The following CMSS1 variants were observed in gnomAD, a reference collection of about 807,000 sequenced individuals.
CMSS1 encodes protein CMSS1.
CMSS1 carries 33 observed loss-of-function variants against 43.5 expected under a neutral mutation model. The observed-to-expected ratio is 0.76, with a 90% CI of 0.57 to 1.01. The LOEUF (loss-of-function observed/expected upper bound fraction) is 1.01, where lower values mean the gene tolerates loss of function less well. Among genes scored for constraint, CMSS1 ranks in the 50% least tolerant of loss-of-function variants. The probability of loss-of-function intolerance (pLI) is 0.00; values close to 1 mark genes in which losing one functional copy is unlikely to be tolerated. For synonymous variants in CMSS1, 115 were observed against 117.2 expected (o/e 0.98, Z 0.12); for missense variants, 313 against 326.4 (o/e 0.96, Z 0.32).
At chr3:100,117,088 A>G (rs1026180468) in intron 1 of CMSS1, among the ~76,000 whole-genome samples, 9 of 152,158 alleles carry the variant, frequency 5.9e-5, no homozygotes. Context: ...TCAATTATTT[A>G]TTCACATAAA....
chr3:100,060,516 A>G (rs2065545026), intron 1 of CMSS1, among the ~76,000 whole-genome samples: 1 of 152,112 alleles, frequency 6.6e-6, no homozygotes, highest in Non-Finnish European at 1.5e-5. Flanking sequence ...AAATACATAA[A>G]AATGCTTAGC....
At chr3:100,050,369 A>T (rs1405617167) in intron 1 of CMSS1, among the ~76,000 whole-genome samples, 1 of 152,170 alleles carries the variant, frequency 6.6e-6, no homozygotes, top group Non-Finnish European at 1.5e-5. Flanking sequence ...ATTTATGTGA[A>T]ATGCTCAGTA....
intron 1 of CMSS1, among the ~76,000 whole-genome samples, chr3:99,986,305 C>T (rs777281001): frequency 1.4e-4 from 22 of 152,076 alleles, no homozygotes; most frequent in Non-Finnish European, 1.5e-5. Flanking sequence ...AAGCTTGTGG[C>T]ATTAGATATG....
At chr3:100,008,511 G>A (rs1003365808) in intron 1 of CMSS1, among the ~76,000 whole-genome samples, 10 of 152,168 alleles carry the variant, frequency 6.6e-5, no homozygotes, top group Admixed American at 2.0e-4. Flanking sequence ...AGAATTTAGA[G>A]GAAGTGCTGG....
rs559043036 is a variant in CMSS1, at chr3:99,981,556, A to G, written c.64+163513A>G. 3.5e-3 allele frequency among the ~76,000 whole-genome samples: 526 copies of G among 152,330 alleles called. 2 individuals carry two copies. The highest frequency in any genetic ancestry group is 5.0e-3 in the Non-Finnish European group (337 of 68,038). On this transcript the variant is annotated intron_variant, in intron 1 of 9. Transcript: ENST00000421999. ...CCCTGATTTGATCATCACACAGTGT[A>G]TATCTATATACCTATATACTAAATA...
At chr3:99,971,924 G>T (rs1190699975) in intron 1 of CMSS1, among the ~76,000 whole-genome samples, 2 of 152,266 alleles carry the variant, frequency 1.3e-5, no homozygotes, top group Non-Finnish European at 2.9e-5. Context: ...ATGTAAACCT[G>T]GTTGCTGACC....
intron 1 of CMSS1, among the ~76,000 whole-genome samples, chr3:99,864,985 G>C (rs1476144095): frequency 6.6e-6 from 1 of 152,080 alleles, no homozygotes; most frequent in Non-Finnish European, 1.5e-5. Context: ...TTCTGGTAGG[G>C]AACAGTACCT....
chr3:99,984,048 A>ATATGTGTGTGTGTGTGTGTGTGTG (rs1709254506), intron 1 of CMSS1, among the ~76,000 whole-genome samples: 1 of 147,582 alleles, frequency 6.8e-6, no homozygotes, highest in Non-Finnish European at 1.5e-5. Flanking sequence ...AAGGATGTAT[A>ATATGTGTGTGTGTGTGTGTGTGTG]TGTATGTGTG....
intron 1 of CMSS1, among the ~76,000 whole-genome samples, chr3:99,888,799 T>G (rs1452127536): frequency 2.0e-5 from 3 of 152,190 alleles, no homozygotes; most frequent in African/African-American, 7.2e-5. Context: ...TTTCATAAAT[T>G]TCCTTGCAAA....
intron 1 of CMSS1, among the ~76,000 whole-genome samples, chr3:100,021,692 C>A (rs1195732533): frequency 2.0e-5 from 3 of 152,102 alleles, no homozygotes; most frequent in African/African-American, 7.2e-5. Flanking sequence ...TTTAAAATCT[C>A]AAAAGATCTA....
intron 1 of CMSS1, among the ~76,000 whole-genome samples, chr3:99,828,671 G>T (rs977110822): frequency 1.3e-5 from 2 of 150,724 alleles, no homozygotes. Flanking sequence ...GCCCAGACTG[G>T]TCTTGAGCTC....
rs4062235 is a variant in CMSS1 at position 100,067,166 on chromosome 3, CGTTTGTTTGTTT to C, written c.65-79786_65-79775del. On this transcript the variant is annotated intron_variant, in intron 1 of 9. Coordinates refer to ENST00000421999, the MANE Select transcript of CMSS1 (RefSeq NM_032359.4). ...GAAGCCCTGGCTATGTTTTTGATCTCGTTTGTTTGTTTGTTTGTTTGTTTGTTTGTTTTAAAT... is the reference window on the plus strand; with the variant it reads ...GAAGCCCTGGCTATGTTTTTGATCTCGTTTGTTTGTTTGTTTGTTTTAAAT... 4.7e-3 allele frequency among the ~76,000 whole-genome samples: 717 copies of C among 150,982 alleles called. 4 individuals are homozygous for C. Among genetic ancestry groups the C allele is most frequent in the South Asian group, 0.011 (52 of 4,754 alleles).
rs370856108 is a variant in CMSS1 at position 99,943,069 on chromosome 3, T to C, written c.64+125026T>C. Among the ~76,000 whole-genome samples the C allele has an allele frequency of 1.2e-3, 176 of 152,288 alleles. No individual in the cohort carries two copies. In the East Asian group the frequency reaches 0.023, roughly 20 times the overall value. ...TTAGAACAACTTTGGACCTCCACTT[T>C]TGGAGTCATCTGCTTTGAAATATCC... On this transcript the variant is annotated intron_variant, in intron 1 of 9. Transcript: ENST00000421999.
chr3:100,128,431 G>A (rs780918891), intron 1 of CMSS1, among the ~76,000 whole-genome samples: 7 of 152,116 alleles, frequency 4.6e-5, no homozygotes, highest in Non-Finnish European at 1.0e-4. Flanking sequence ...CATAACATAT[G>A]GTAGAGAGAT....
At chr3:100,139,679 C>A (rs747401118) in intron 1 of CMSS1, among the ~76,000 whole-genome samples, 4 of 150,560 alleles carry the variant, frequency 2.7e-5, no homozygotes, top group Non-Finnish European at 3.0e-5. Flanking sequence ...CACCTGTAAT[C>A]CCAGCTACCC....
intron 1 of CMSS1, among the ~76,000 whole-genome samples, chr3:100,041,883 T>G (rs2065211009): frequency 6.6e-6 from 1 of 152,160 alleles, no homozygotes. Context: ...CAACTACAAT[T>G]TGATTTAAAA....
chr3:100,111,418 T>TAAAC (rs2066489301), intron 1 of CMSS1, among the ~76,000 whole-genome samples: 1 of 152,208 alleles, frequency 6.6e-6, no homozygotes, highest in Non-Finnish European at 1.5e-5. Context: ...AAAACTTAGT[T>TAAAC]TATCTATCTG....
chr3:99,924,570 G>A (rs1374788371), intron 1 of CMSS1, among the ~76,000 whole-genome samples: 1 of 152,184 alleles, frequency 6.6e-6, no homozygotes, highest in Non-Finnish European at 1.5e-5. Context: ...CCAGGCTGGA[G>A]TGCAATGGCG....
intron 1 of CMSS1, among the ~76,000 whole-genome samples, chr3:100,110,188 A>G (rs768987456): frequency 2.6e-5 from 4 of 152,078 alleles, no homozygotes; most frequent in Non-Finnish European, 5.9e-5. Flanking sequence ...ACTGGAGGGG[A>G]AAACATAAGG....
Sources: allele counts gnomAD v4.1 joint callset (sites outside exome capture counted in the v4.1 genomes callset), GRCh38; gene constraint gnomAD v4.1.1; transcripts MANE v1.5; gene names NCBI Gene and HGNC (gene_info 2026-07-23, HGNC 2026-07-21).